The following TSPOAP1 variants were observed in gnomAD, a reference collection of about 807,000 sequenced individuals.
TSPOAP1 encodes TSPO associated protein 1.
In TSPOAP1, 87 loss-of-function variants were observed where a neutral mutation model predicts 197.0. The ratio of observed to expected loss-of-function variants is 0.44; its 90% CI spans 0.37 to 0.53. The LOEUF is 0.53. TSPOAP1 is among the 20% of genes least tolerant of loss of function. The pLI, the probability that TSPOAP1 is intolerant of heterozygous loss-of-function variation, is 0.00. For synonymous variants in TSPOAP1, 913 were observed against 998.9 expected, an observed-to-expected ratio of 0.91 and a Z score of 1.62; for missense variants, 2,174 against 2,411.3, an observed-to-expected ratio of 0.90 and a Z score of 2.06.
In TSPOAP1 at chr17:58,306,700, T is replaced by C. The variant is rs933895887; in HGVS notation, c.5152+100A>G. The stretch of plus-strand genomic sequence containing the variant: ...CAGGCTCCAAGGCTCTGCTAGAGTC[T>C]GGGTAAGTGGGAGCACCCCAGACAC... On this transcript the variant is annotated intron_variant, in intron 25 of 31. Coordinates refer to ENST00000343736, the MANE Select transcript of TSPOAP1 (RefSeq NM_004758.4). The C allele has an allele frequency of 2.1e-6, 3 of 1,420,176 alleles. No individual in the cohort carries two copies. The African/African-American group carries it at 4.3e-5, about 20-fold the overall frequency. 88.0% of individuals were successfully genotyped at this position (1,420,176 alleles called of 1,614,324 possible). A position where few individuals can be genotyped will look rare whatever the true frequency, so the allele number is the denominator to read the frequency against.
At chr17:58,313,071 G>A (rs1259413981) in intron 16 of TSPOAP1, among the ~76,000 whole-genome samples, 1 of 152,180 alleles carries the variant, frequency 6.6e-6, no homozygotes, top group Non-Finnish European at 1.5e-5. Context: ...CAAGCTGCAA[G>A]GATGGAGGAG....
chr17:58,319,073 A>C lies in TSPOAP1; in HGVS notation c.1699+17T>G, dbSNP rs1417412941. The C allele has an allele frequency of 6.7e-7, 1 of 1,499,762 alleles. No individual in the cohort carries two copies. Among genetic ancestry groups the C allele is most frequent in the Non-Finnish European group, 9.0e-7 (1 of 1,116,594 alleles). 92.9% of individuals were successfully genotyped at this position (1,499,762 alleles called of 1,614,324 possible). A position where few individuals can be genotyped will look rare whatever the true frequency, so the allele number is the denominator to read the frequency against. On this transcript the variant is annotated intron_variant, in intron 13 of 31. Transcript: ENST00000343736. The stretch of plus-strand genomic sequence containing the variant: ...GGCCTGGGGATTCCAGGCCAATGCC[A>C]CTGGGGTCCACCTTACCTTTGGGGC...
At position 58,312,119 on chromosome 17, in the gene TSPOAP1, G is replaced by C; in HGVS notation, c.2702C>G (p.Thr901Ser). ...HRLTATSAEI[T>S]WVPGNSNLAH... Reference sequence around the variant, plus strand: ...CAAGTTGCTATTGCCGGGCACCCAGGTGATCTCAGCAGATGTGGCTGTCAA... The same window carrying C: ...CAAGTTGCTATTGCCGGGCACCCAGCTGATCTCAGCAGATGTGGCTGTCAA... Residue 901 changes from threonine to serine, a missense_variant, in exon 17 of 32, where the codon ACC becomes AGC. Physicochemically the swap from Thr to Ser is moderately conservative, Grantham distance 58. Coordinates refer to ENST00000343736, the MANE Select transcript of TSPOAP1 (RefSeq NM_004758.4). The C allele has an allele frequency of 6.2e-7, 1 of 1,613,348 alleles. No individual in the cohort carries two copies. The highest frequency in any genetic ancestry group is 2.2e-5 in the East Asian group (1 of 44,886).
chr17:58,324,206 C>T lies in TSPOAP1; in HGVS notation c.942+605G>A, dbSNP rs1472145553. Among the ~76,000 whole-genome samples, 1 of 152,224 alleles carries T rather than the reference C, an allele frequency of 6.6e-6. No homozygotes were observed. Among genetic ancestry groups the T allele is most frequent in the Non-Finnish European group, 1.5e-5 (1 of 68,030 alleles). ...ATCAGATCACTGCCTGGTCTCTCCT[C>T]CCAGCCCTCTTCCCAGAAGGAGGAG... On this transcript the variant is annotated intron_variant, in intron 5 of 31. Transcript: ENST00000343736. The surrounding 1 kb of genome is among the most constrained non-coding windows in gnomAD (Gnocchi z 5.8).
In TSPOAP1 at chr17:58,304,217, G is replaced by C. The variant is rs929874492; in HGVS notation, c.*32+121C>G. 15 of 794,220 alleles carry C rather than the reference G, an allele frequency of 1.9e-5. No individual in the cohort carries two copies. In the African/African-American group the frequency reaches 2.4e-4, roughly 13 times the overall value. 49.2% of individuals were successfully genotyped at this position (794,220 alleles called of 1,614,324 possible). A position where few individuals can be genotyped will look rare whatever the true frequency, so the allele number is the denominator to read the frequency against. The stretch of plus-strand genomic sequence containing the variant: ...TCTGGCTCATGGCAAGCTCTCCTTC[G>C]CCATTCCCTGGACTACAGTGGGAAA... On this transcript the variant is annotated intron_variant, in intron 31 of 31. Transcript: ENST00000343736. The surrounding 1 kb of genome is among the most constrained non-coding windows in gnomAD (Gnocchi z 4.2).
rs769356368 is a variant in TSPOAP1 at position 58,304,808 on chromosome 17, G to A, written c.5544+253C>T. The A allele has an allele frequency of 5.1e-5, 32 of 625,180 alleles. No individual in the cohort carries two copies. In the South Asian group the frequency reaches 5.5e-4, roughly 11 times the overall value. The allele number at this position is 625,180 out of a possible 1,614,324, so 38.7% of individuals were successfully genotyped here. On this transcript the variant is annotated intron_variant, in intron 30 of 31. Transcript: ENST00000343736. This position sits in a 1 kb window ranked among gnomAD's most constrained non-coding sequence, Gnocchi z 4.2. ...CCCCCTCACCTGCGTCAGCCACCAG[G>A]TGTTGGCAGCTGGCGAGATGGCCTG...
At position 58,327,718 on chromosome 17, in the gene TSPOAP1, C is replaced by A. The variant is rs754362302; in HGVS notation, c.203G>T (p.Ser68Ile). Residue 68 changes from serine to isoleucine, a missense_variant, in exon 1 of 32, where the codon AGC (serine) becomes ATC (isoleucine). Transcript: ENST00000343736. Reference sequence around the variant, plus strand: ...GTCAGTTCCCCCCACGGGCCTGGAGCTCCCGTCTCCTTTGGGCTTGGAACT... The same window carrying A: ...GTCAGTTCCCCCCACGGGCCTGGAGATCCCGTCTCCTTTGGGCTTGGAACT... ...EESSKPKGDG[S>I]SRPVGGTDPE... is the part of the protein sequence containing the mutation. 1 of 1,614,174 alleles carries A rather than the reference C, an allele frequency of 6.2e-7. No individual in the cohort carries two copies. Among genetic ancestry groups the A allele is most frequent in the Non-Finnish European group, 8.5e-7 (1 of 1,180,044 alleles).
chr17:58,327,564 C>A, intron 1 of TSPOAP1, 24 bp downstream of exon 1: 2 of 1,599,544 alleles, frequency 1.3e-6, no homozygotes, highest in Non-Finnish European at 1.7e-6. Context: ...CCTTGCAGAC[C>A]CCAGCCCTCC....
Position 58,302,351 on chromosome 17 carries a change from G to T in TSPOAP1, c.*129C>A. The T allele has an allele frequency of 7.8e-7, 1 of 1,289,424 alleles. No homozygotes were observed. Among genetic ancestry groups the T allele is most frequent in the Middle Eastern group, 2.2e-4 (1 of 4,570 alleles). 79.9% of individuals were successfully genotyped at this position (1,289,424 alleles called of 1,614,324 possible). On this transcript the variant is annotated 3_prime_UTR_variant, in exon 32 of 32. Transcript: ENST00000343736. ...CCCCACACCTTCTCGCTTCTGCCCT[G>T]GGGCTCCCCACGTTCAATCCTGGGG...
Position 58,311,179 on chromosome 17 carries a change from A to T in TSPOAP1, c.3116T>A (p.Val1039Glu). ...MEVASPTAGS[V>E]LVELSQLQLL... ...CTGCAGCTGGGACAACTCCACCAGT[A>T]CACTGCCTGCCGTGGGTGAGGCCAC... is the stretch of plus-strand genomic sequence containing the variant. Residue 1039 changes from valine (V) to glutamate (E), a missense_variant, in exon 19 of 32, where the codon GTA (valine) becomes GAA (glutamate). Coordinates refer to ENST00000343736, the MANE Select transcript of TSPOAP1 (RefSeq NM_004758.4). 6.2e-7 allele frequency: 1 copy of T among 1,611,904 alleles called. No individual in the cohort carries two copies. Among genetic ancestry groups the T allele is most frequent in the Non-Finnish European group, 8.5e-7 (1 of 1,179,668 alleles).
Position 58,305,587 on chromosome 17 carries a change from C to A in TSPOAP1, c.5314G>T (p.Ala1772Ser). Residue 1772 changes from alanine to serine, a missense_variant, in exon 28 of 32, where the codon GCA becomes TCA. Coordinates refer to ENST00000343736, the MANE Select transcript of TSPOAP1 (RefSeq NM_004758.4). Reference sequence around the variant, plus strand: ...CTCTCCTGGGGGTTGTAGTCAAATGCAGCCACCATGGAGTGGGGAGCTTTC... The same window carrying A: ...CTCTCCTGGGGGTTGTAGTCAAATGAAGCCACCATGGAGTGGGGAGCTTTC... ...DLKAPHSMVA[A>S]FDYNPQESSP... The A allele has an allele frequency of 6.4e-7, 1 of 1,574,284 alleles. No individual in the cohort carries two copies. The highest frequency in any genetic ancestry group is 8.6e-7 in the Non-Finnish European group (1 of 1,160,690).
chr17:58,324,686 C>G lies in TSPOAP1; in HGVS notation c.942+125G>C. On this transcript the variant is annotated intron_variant, in intron 5 of 31. Transcript: ENST00000343736. The surrounding 1 kb of genome is among the most constrained non-coding windows in gnomAD (Gnocchi z 5.8). The stretch of plus-strand genomic sequence containing the variant: ...CCCAGGACGGGAAAGCTCCCCAGCC[C>G]CTGGGAGTGCGCACACCACCACTGA... 1.2e-6 allele frequency: 1 copy of G among 834,484 alleles called. No homozygotes were observed. Among genetic ancestry groups the G allele is most frequent in the African/African-American group, 1.8e-5 (1 of 55,678 alleles). 51.7% of individuals were successfully genotyped at this position (834,484 alleles called of 1,614,324 possible).
rs1971067010 is a variant in TSPOAP1 at position 58,311,131 on chromosome 17, A to C, written c.3164T>G (p.Val1055Gly). 2 of 1,607,244 alleles carry C rather than the reference A, an allele frequency of 1.2e-6. No individual in the cohort carries two copies. Among genetic ancestry groups the C allele is most frequent in the Non-Finnish European group, 1.7e-6 (2 of 1,177,520 alleles). The change falls in exon 19 of 32, where the codon GTG becomes GGG. Residue 1055 changes from valine (V) to glycine (G), a missense_variant. Transcript: ENST00000343736. ...GTGGGGCGACATGGTGCGCACGACC[A>C]CCTCACGACACACCTGCAGCAGCTG... ...QLQLLQVCRE[V>G]VVRTMSPHGE...
At position 58,311,465 on chromosome 17, in the gene TSPOAP1, A is replaced by G. The variant is rs1971075666; in HGVS notation, c.3081+106T>C. On this transcript the variant is annotated intron_variant, in intron 18 of 31. Coordinates refer to ENST00000343736, the MANE Select transcript of TSPOAP1 (RefSeq NM_004758.4). ...AACCCATCTGCCTCATGGTACCCAA[A>G]TGCCAGGGGCTGGGCATCTCCGTGC... 6 of 1,466,796 alleles carry G rather than the reference A, an allele frequency of 4.1e-6. No individual in the cohort carries two copies. The East Asian group carries it at 1.4e-4, about 34-fold the overall frequency. 90.9% of individuals were successfully genotyped at this position (1,466,796 alleles called of 1,614,324 possible).
rs999055945 is a variant in TSPOAP1 at position 58,302,942 on chromosome 17, C to G, written c.*33-495G>C. On this transcript the variant is annotated intron_variant, in intron 31 of 31. Coordinates refer to ENST00000343736, the MANE Select transcript of TSPOAP1 (RefSeq NM_004758.4). The stretch of plus-strand genomic sequence containing the variant: ...CCCAAACCCAGCAGATGTGGCCCCC[C>G]CAGGCCTTCAGGGTGTGGAGCCAGT... 3 of 152,726 alleles carry G rather than the reference C, an allele frequency of 2.0e-5. No homozygotes were observed. In the South Asian group the frequency reaches 6.2e-4, roughly 32 times the overall value. The allele number at this position is 152,726 out of a possible 1,614,324, so 9.5% of individuals were successfully genotyped here.
chr17:58,302,264 A>G lies in TSPOAP1; in HGVS notation c.*216T>C. ...CTCTTCTGCCTGCAGGATGGGCCAC[A>G]GCTTCACTCCTTCTTCCCAGAGCCC... On this transcript the variant is annotated 3_prime_UTR_variant, in exon 32 of 32. Transcript: ENST00000343736. 17 of 1,289,540 alleles carry G rather than the reference A, an allele frequency of 1.3e-5. No homozygotes were observed. The highest frequency in any genetic ancestry group is 1.7e-5 in the Non-Finnish European group (17 of 988,744). The allele number at this position is 1,289,540 out of a possible 1,614,324, so 79.9% of individuals were successfully genotyped here.
intron 25 of TSPOAP1, 96 bp downstream of exon 25, chr17:58,306,704 T>G (rs1598056609): frequency 7.0e-7 from 1 of 1,429,732 alleles, no homozygotes; most frequent in Admixed American, 2.0e-5. Flanking sequence ...AGAGTCTGGG[T>G]AAGTGGGAGC....
chr17:58,315,408 G>A (rs938217364), intron 16 of TSPOAP1, among the ~76,000 whole-genome samples: 2 of 152,202 alleles, frequency 1.3e-5, no homozygotes, highest in Non-Finnish European at 2.9e-5. Context: ...CCAGGCCAGA[G>A]CCACCCTGAG....
chr17:58,325,456 A>T, intron 4 of TSPOAP1, 78 bp downstream of exon 4: 1 of 1,569,002 alleles, frequency 6.4e-7, no homozygotes, highest in Non-Finnish European at 8.7e-7. Context: ...TCTCATTAAC[A>T]TCTTGTCTGC....
Sources: gnomAD v4.1 joint callset for allele counts (sites outside exome capture counted in the v4.1 genomes callset) on GRCh38, gnomAD v4.1.1 for gene constraint, Gnocchi (gnomAD v3.1) non-coding constraint, MANE v1.5 for transcripts, NCBI Gene and HGNC (gene_info 2026-07-23, HGNC 2026-07-21) for gene names.